The following TNFAIP8 variants were observed in gnomAD, a reference collection of about 807,000 sequenced individuals.
TNFAIP8 encodes tumor necrosis factor alpha-induced protein 8.
Under a neutral mutation model 13.3 loss-of-function variants are expected in TNFAIP8, and 7 were observed. That is an observed-to-expected ratio of 0.52 (90% CI 0.30 to 0.99). The LOEUF (loss-of-function observed/expected upper bound fraction) is 0.99. TNFAIP8 is among the 50% of genes least tolerant of loss of function. TNFAIP8 has a pLI of 0.07. For synonymous variants in TNFAIP8, 94 were observed against 87.6 expected, an observed-to-expected ratio of 1.07 and a Z score of -0.41; for missense variants, 258 against 236.9, an observed-to-expected ratio of 1.09 and a Z score of -0.58.
At chr5:119,317,581 T>A (rs1431768182) in intron 1 of TNFAIP8, among the ~76,000 whole-genome samples, 1 of 148,736 alleles carries the variant, frequency 6.7e-6, no homozygotes, top group Non-Finnish European at 1.5e-5. Flanking sequence ...TTACCTTATA[T>A]GATAATAATA....
rs1183631649 is a variant in TNFAIP8, at chr5:119,298,017, A to G, written c.1+29110A>G. On this transcript the variant is annotated intron_variant, in intron 1 of 1. Transcript: ENST00000274456. ...ATGTGTGTCTCTGCACATGAGATGCATTTCCTGAATACAGCACACTGATGG... is the reference window on the plus strand; with the variant it reads ...ATGTGTGTCTCTGCACATGAGATGCGTTTCCTGAATACAGCACACTGATGG... Among the ~76,000 whole-genome samples, 4 of 152,266 alleles carry G rather than the reference A, an allele frequency of 2.6e-5. No individual in the cohort carries two copies. The East Asian group carries it at 5.8e-4, about 22-fold the overall frequency.
In TNFAIP8 at chr5:119,299,186, C is replaced by G. The variant is rs376625166; in HGVS notation, c.1+30279C>G. 3.0e-4 allele frequency among the ~76,000 whole-genome samples: 46 copies of G among 152,280 alleles called. No homozygotes were observed. In the South Asian group the frequency reaches 4.8e-3, roughly 16 times the overall value. ...CCTTTGGAGGAGGAGAGGCGCTCTG[C>G]TTTTTAGAGTTTCCAGTTTTTCTGC... On this transcript the variant is annotated intron_variant, in intron 1 of 1. Transcript: ENST00000274456.
chr5:119,324,564 A>C (rs990191472), intron 1 of TNFAIP8, among the ~76,000 whole-genome samples: 13 of 152,064 alleles, frequency 8.5e-5, no homozygotes, highest in Non-Finnish European at 1.8e-4. Context: ...GAAAAGACAG[A>C]AGATTGCCCC....
At chr5:119,315,268 G>C (rs1749854510) in intron 1 of TNFAIP8, among the ~76,000 whole-genome samples, 1 of 152,096 alleles carries the variant, frequency 6.6e-6, no homozygotes, top group Admixed American at 6.5e-5. Flanking sequence ...ATTTTTAGTA[G>C]GGACAGGGTT....
intron 1 of TNFAIP8, among the ~76,000 whole-genome samples, chr5:119,287,879 T>C (rs1046835277): frequency 1.3e-5 from 2 of 152,176 alleles, no homozygotes; most frequent in Admixed American, 6.5e-5. Context: ...AACTTGAAAA[T>C]TGTGGCTTTA....
At position 119,394,910 on chromosome 5, in the gene TNFAIP8, A is replaced by C. The variant is rs756829383; in HGVS notation, c.*1529A>C. On this transcript the variant is annotated 3_prime_UTR_variant, in exon 2 of 2. Coordinates refer to ENST00000504771, the MANE Select transcript of TNFAIP8 (RefSeq NM_014350.4). ...GTGTGAGCCACTGTGCCTATGATTT[A>C]GTGTACTCTCTTGCCTTAAATTTGC... 4 of 151,998 alleles carry C rather than the reference A, an allele frequency of 2.6e-5. No individual in the cohort carries two copies. The highest frequency in any genetic ancestry group is 4.4e-5 in the Non-Finnish European group (3 of 67,982). The allele number at this position is 151,998 out of a possible 1,614,324, so 9.4% of individuals were successfully genotyped here. A position where few individuals can be genotyped will look rare whatever the true frequency, so the allele number is the denominator to read the frequency against.
chr5:119,363,110 G>A (rs1300090357), intron 1 of TNFAIP8, among the ~76,000 whole-genome samples: 1 of 152,186 alleles, frequency 6.6e-6, no homozygotes, highest in Non-Finnish European at 1.5e-5. Flanking sequence ...AATAGAAATG[G>A]AGTAGCTCAA....
intron 1 of TNFAIP8, among the ~76,000 whole-genome samples, chr5:119,292,445 A>G (rs1326163533): frequency 6.6e-6 from 1 of 151,696 alleles, no homozygotes; most frequent in African/African-American, 2.4e-5. Context: ...AAAACATTAT[A>G]TCATATGGTA....
At chr5:119,336,139 A>G (rs60507834) in intron 1 of TNFAIP8, among the ~76,000 whole-genome samples, 15,946 of 152,134 alleles carry the variant, frequency 0.1, 1,052 homozygotes, top group African/African-American at 0.2. Context: ...AGATGGTGGG[A>G]CCTTGTGGAC....
chr5:119,318,441 A>G (rs143684987), intron 1 of TNFAIP8, among the ~76,000 whole-genome samples: 31 of 152,142 alleles, frequency 2.0e-4, no homozygotes, highest in African/African-American at 7.2e-4. Context: ...TGCATGTGCC[A>G]TCATGCTTGG....
rs940303860 is a variant in TNFAIP8 at position 119,356,104 on chromosome 5, C to G, written c.14C>G (p.Ala5Gly). The G allele has an allele frequency of 3.8e-6, 6 of 1,587,746 alleles. No homozygotes were observed. The highest frequency in any genetic ancestry group is 3.5e-5 in the Admixed American group (2 of 57,538). The change falls in exon 1 of 2, where the codon GCA becomes GGA. Residue 5 changes from alanine (A) to glycine (G), a missense_variant. Ala to Gly is a moderately conservative substitution (Grantham distance 60, BLOSUM62 0). Coordinates refer to ENST00000504771, the MANE Select transcript of TNFAIP8 (RefSeq NM_014350.4). MHSE[A>G]EESKEVATDV... Reference sequence around the variant, plus strand: ...TATCCTGACATTATGCACTCCGAAGCAGAAGAATCCAAGGAAGGTAGGATT... The same window carrying G: ...TATCCTGACATTATGCACTCCGAAGGAGAAGAATCCAAGGAAGGTAGGATT...
chr5:119,291,505 T>C (rs1748984254), intron 1 of TNFAIP8, among the ~76,000 whole-genome samples: 1 of 152,260 alleles, frequency 6.6e-6, no homozygotes, highest in African/African-American at 2.4e-5. Context: ...AATAATAATT[T>C]TATTTTTAAA....
intron 1 of TNFAIP8, among the ~76,000 whole-genome samples, chr5:119,335,143 G>C (rs1750511795): frequency 6.6e-6 from 1 of 152,112 alleles, no homozygotes; most frequent in African/African-American, 2.4e-5. Flanking sequence ...TTGGATATCA[G>C]CACATCCTGA....
At chr5:119,310,601 G>T (rs949330630) in intron 1 of TNFAIP8, among the ~76,000 whole-genome samples, 1 of 152,156 alleles carries the variant, frequency 6.6e-6, no homozygotes, top group Non-Finnish European at 1.5e-5. Flanking sequence ...TTGGGAGGCC[G>T]AGGCAGGTAG....
chr5:119,316,097 A>T (rs1006783719), intron 1 of TNFAIP8: 4 of 151,292 alleles, frequency 2.6e-5, no homozygotes, highest in Admixed American at 1.3e-4. Context: ...GTTCCTGTTC[A>T]CCTAAAAGGG....
At chr5:119,332,251 C>G (rs1562004207) in intron 1 of TNFAIP8, among the ~76,000 whole-genome samples, 3 of 152,124 alleles carry the variant, frequency 2.0e-5, no homozygotes, top group African/African-American at 7.2e-5. Context: ...CTTGAGAACT[C>G]TATGTGCATC....
At chr5:119,376,526 G>A (rs577086710) in intron 1 of TNFAIP8, among the ~76,000 whole-genome samples, 47 of 151,978 alleles carry the variant, frequency 3.1e-4, no homozygotes, top group African/African-American at 9.9e-4. Context: ...CTCTTATTTC[G>A]GTTGTTTTAT....
chr5:119,327,517 G>A (rs1750258300), intron 1 of TNFAIP8, among the ~76,000 whole-genome samples: 1 of 152,140 alleles, frequency 6.6e-6, no homozygotes, highest in African/African-American at 2.4e-5. Flanking sequence ...AGAGTGCAGT[G>A]GCGCGATCTC....
chr5:119,344,118 C>T (rs142132689), intron 1 of TNFAIP8, among the ~76,000 whole-genome samples: 349 of 152,238 alleles, frequency 2.3e-3, no homozygotes, highest in African/African-American at 8.2e-3. Flanking sequence ...AAAGAAGAAC[C>T]TGAGTAATTT....
Sources: gnomAD v4.1 joint callset for allele counts (sites outside exome capture counted in the v4.1 genomes callset) on GRCh38, gnomAD v4.1.1 for gene constraint, MANE v1.5 for transcripts, NCBI Gene and HGNC (gene_info 2026-07-23, HGNC 2026-07-21) for gene names.